The following IARS1 variants were observed in gnomAD, a reference collection of about 807,000 sequenced individuals.
IARS1 encodes the protein isoleucyl-tRNA synthetase 1, also known as isoleucine--tRNA ligase, cytoplasmic.
A neutral mutation model predicts 168.2 loss-of-function variants in IARS1; 124 were observed. The observed-to-expected ratio is 0.74, with a 90% CI of 0.64 to 0.86. The LOEUF (loss-of-function observed/expected upper bound fraction) is 0.86. Among genes scored for constraint, IARS1 ranks in the 40% least tolerant of loss-of-function variants. The pLI is 0.00. For synonymous variants in IARS1, 532 were observed against 529.4 expected, an observed-to-expected ratio of 1.00 and a Z score of -0.07; for missense variants, 1,452 against 1,515.8, an observed-to-expected ratio of 0.96 and a Z score of 0.70.
intron 19 of IARS1, among the ~76,000 whole-genome samples, 157 bp downstream of exon 19, chr9:92,258,697 C>A (rs1196604080): frequency 1.3e-5 from 2 of 152,214 alleles, no homozygotes; most frequent in African/African-American, 4.8e-5. Flanking sequence ...CCTTCCGCAC[C>A]TGCATGTATG....
intron 22 of IARS1, among the ~76,000 whole-genome samples, 159 bp downstream of exon 22, chr9:92,251,649 T>C (rs576564730): frequency 2.1e-4 from 32 of 152,362 alleles, no homozygotes; most frequent in African/African-American, 6.3e-4. Context: ...GCTAACAAGA[T>C]TTCTGATAAG....
rs536555751 is a variant in IARS1 at position 92,274,299 on chromosome 9, T to C, written c.990+127A>G. The C allele has an allele frequency of 3.3e-5, 22 of 662,372 alleles. No homozygotes were observed. The African/African-American group carries it at 3.7e-4, about 11-fold the overall frequency. 41.0% of individuals were successfully genotyped at this position (662,372 alleles called of 1,614,324 possible). Reference sequence around the variant, plus strand: ...TTGCAGATGCAAATTTTACAAGCCATCTTGCAGGCAGTGAGCCAGAAAAGA... The same window carrying C: ...TTGCAGATGCAAATTTTACAAGCCACCTTGCAGGCAGTGAGCCAGAAAAGA... On this transcript the variant is annotated intron_variant, in intron 10 of 33. Transcript: ENST00000443024.
At chr9:92,266,654 C>CT (rs1338231043) in intron 14 of IARS1, among the ~76,000 whole-genome samples, 1 of 152,192 alleles carries the variant, frequency 6.6e-6, no homozygotes, top group East Asian at 1.9e-4. Flanking sequence ...GACCAATGCT[C>CT]TCCTTCTGCA....
intron 20 of IARS1, among the ~76,000 whole-genome samples, chr9:92,254,901 G>T (rs903320380): frequency 6.6e-6 from 1 of 152,174 alleles, no homozygotes; most frequent in African/African-American, 2.4e-5. Context: ...CAGTTTCCAG[G>T]CAGACCAGGC....
intron 19 of IARS1, 42 bp from the exon 20 acceptor site, chr9:92,256,842 G>A: frequency 6.4e-7 from 1 of 1,572,102 alleles, no homozygotes. Context: ...CACTTGGGAA[G>A]AAAGTTACTA....
At chr9:92,275,755 C>T (rs933881826) in intron 9 of IARS1, among the ~76,000 whole-genome samples, 1 of 152,228 alleles carries the variant, frequency 6.6e-6, no homozygotes, top group East Asian at 1.9e-4. Context: ...GCTCCATAGG[C>T]AGTGTCCGCT....
chr9:92,278,880 G>A (rs992144700), intron 7 of IARS1, among the ~76,000 whole-genome samples: 4 of 152,242 alleles, frequency 2.6e-5, no homozygotes, highest in African/African-American at 4.8e-5. Context: ...TTTCTAACAA[G>A]TTGACAGACA....
intron 31 of IARS1, among the ~76,000 whole-genome samples, chr9:92,227,684 T>C (rs1034969582): frequency 2.7e-5 from 4 of 150,094 alleles, no homozygotes; most frequent in Admixed American, 2.6e-4. Flanking sequence ...GAGACGCTCC[T>C]CACATCCTGG....
At chr9:92,270,025 C>G (rs369616228) in intron 12 of IARS1, 42 bp from the exon 13 acceptor site, 2 of 1,221,078 alleles carry the variant, frequency 1.6e-6, no homozygotes, top group South Asian at 1.2e-5. Context: ...CAGGCTGAGA[C>G]TAGTAGGCAC....
intron 13 of IARS1, 100 bp downstream of exon 13, chr9:92,269,785 A>G: frequency 2.7e-6 from 2 of 748,564 alleles, no homozygotes; most frequent in Middle Eastern, 3.8e-4. Context: ...AATACCCAAT[A>G]AAAGATGGGT....
intron 1 of IARS1, among the ~76,000 whole-genome samples, chr9:92,293,165 T>C (rs1480494896): frequency 6.6e-6 from 1 of 152,210 alleles, no homozygotes; most frequent in Non-Finnish European, 1.5e-5. Flanking sequence ...CCTATTAACA[T>C]AGACTCCACA....
At chr9:92,281,762 T>C (rs193012582) in intron 6 of IARS1, among the ~76,000 whole-genome samples, 1 of 151,844 alleles carries the variant, frequency 6.6e-6, no homozygotes, top group Non-Finnish European at 1.5e-5. Context: ...AAAAACCAAC[T>C]GCAATTTAAA....
chr9:92,280,430 G>A (rs1301560965), intron 7 of IARS1, among the ~76,000 whole-genome samples: 2 of 152,182 alleles, frequency 1.3e-5, no homozygotes, highest in African/African-American at 4.8e-5. Flanking sequence ...TCAATTGCTA[G>A]TAACGACGTG....
chr9:92,255,339 G>C (rs879868562), intron 20 of IARS1, among the ~76,000 whole-genome samples: 4 of 152,192 alleles, frequency 2.6e-5, no homozygotes, highest in Non-Finnish European at 4.4e-5. Context: ...AGGAACCGCA[G>C]AGCCCTGTGA....
chr9:92,245,789 CAG>C (rs909606353), intron 26 of IARS1, among the ~76,000 whole-genome samples: 3 of 142,900 alleles, frequency 2.1e-5, no homozygotes, highest in Non-Finnish European at 4.6e-5. Flanking sequence ...TTTTTTGAGA[CAG>C]AGTCTTGCTT....
chr9:92,260,108 A>T (rs994456896), intron 18 of IARS1, 43 bp downstream of exon 18: 2 of 1,374,094 alleles, frequency 1.5e-6, no homozygotes, highest in African/African-American at 2.9e-5. Context: ...ATGCTTACAT[A>T]AAAAAACAAT....
intron 30 of IARS1, among the ~76,000 whole-genome samples, chr9:92,230,116 T>TC (rs1354881047): frequency 9.2e-5 from 14 of 151,550 alleles, no homozygotes; most frequent in Non-Finnish European, 1.6e-4. Flanking sequence ...TCTTTTCTTT[T>TC]CTTTTTTTTT....
chr9:92,224,310 G>A (rs1052191607), intron 31 of IARS1, among the ~76,000 whole-genome samples: 1 of 152,172 alleles, frequency 6.6e-6, no homozygotes, highest in Non-Finnish European at 1.5e-5. Context: ...ATAGTGATGG[G>A]TGGAAATCCT....
At chr9:92,275,424 A>C (rs1452433696) in intron 9 of IARS1, among the ~76,000 whole-genome samples, 1 of 152,236 alleles carries the variant, frequency 6.6e-6, no homozygotes, top group Non-Finnish European at 1.5e-5. Flanking sequence ...CAATTACATC[A>C]CAGCACTCGG....
Sources: gnomAD v4.1 joint callset for allele counts (sites outside exome capture counted in the v4.1 genomes callset) on GRCh38, gnomAD v4.1.1 for gene constraint, MANE v1.5 for transcripts, NCBI Gene and HGNC (gene_info 2026-07-23, HGNC 2026-07-21) for gene names.